The following PTPN2 variants were observed in gnomAD, a reference collection of about 807,000 sequenced individuals.
PTPN2 encodes tyrosine-protein phosphatase non-receptor type 2.
PTPN2 carries 19 observed loss-of-function variants against 57.3 expected under a neutral mutation model. That is an observed-to-expected ratio of 0.33 (90% confidence interval 0.23 to 0.49). The LOEUF (loss-of-function observed/expected upper bound fraction) is 0.49. Ranked by LOEUF, PTPN2 falls within the 20% of genes least tolerant of loss-of-function variation. The pLI is 0.99. For synonymous variants in PTPN2, 153 were observed against 164.9 expected (o/e 0.93, Z 0.55); for missense variants, 358 against 501.1 (o/e 0.71, Z 2.73).
chr18:12,796,763 C>A (rs929664894), intron 8 of PTPN2, among the ~76,000 whole-genome samples: 7 of 152,166 alleles, frequency 4.6e-5, no homozygotes, highest in African/African-American at 1.7e-4. Context: ...GAAACCTTCC[C>A]TTCTCTCCTG....
intron 1 of PTPN2, 157 bp downstream of exon 1, chr18:12,883,916 A>C: frequency 1.9e-6 from 1 of 515,844 alleles, no homozygotes; most frequent in Non-Finnish European, 3.4e-6. Context: ...GAGAGCGGTC[A>C]GCGCAGGCGC....
At chr18:12,865,695 C>T (rs552366101) in intron 1 of PTPN2, among the ~76,000 whole-genome samples, 4 of 151,840 alleles carry the variant, frequency 2.6e-5, no homozygotes, top group Admixed American at 1.3e-4. Context: ...GGCGTCATGG[C>T]ATGTGTCTGT....
chr18:12,837,708 G>A (rs969654696), intron 2 of PTPN2, among the ~76,000 whole-genome samples: 20 of 152,260 alleles, frequency 1.3e-4, no homozygotes, highest in African/African-American at 4.6e-4. Flanking sequence ...TAACTCTAGA[G>A]AATGCATACT....
intron 4 of PTPN2, among the ~76,000 whole-genome samples, chr18:12,827,393 TA>T (rs1473453610): frequency 2.7e-5 from 2 of 73,396 alleles, no homozygotes; most frequent in South Asian, 5.5e-4. Context: ...GGAAAATAAA[TA>T]ATTTTTTTTT....
chr18:12,874,697 C>T (rs533502267), intron 1 of PTPN2, among the ~76,000 whole-genome samples: 1 of 150,308 alleles, frequency 6.7e-6, no homozygotes, highest in Non-Finnish European at 1.5e-5. Flanking sequence ...GGGTCAACCC[C>T]TCGCCCGGCC....
chr18:12,836,096 A>G (rs1012137057), intron 3 of PTPN2, among the ~76,000 whole-genome samples: 2 of 152,238 alleles, frequency 1.3e-5, no homozygotes, highest in Non-Finnish European at 2.9e-5. Context: ...ATATTATGGT[A>G]TATCTTTTGA....
At chr18:12,871,868 G>A (rs2044277772) in intron 1 of PTPN2, among the ~76,000 whole-genome samples, 1 of 151,772 alleles carries the variant, frequency 6.6e-6, no homozygotes, top group South Asian at 2.1e-4. Context: ...GCCAACATGG[G>A]GAAACCCTGT....
chr18:12,838,508 A>G (rs1346028398), intron 2 of PTPN2, among the ~76,000 whole-genome samples: 2 of 152,240 alleles, frequency 1.3e-5, no homozygotes, highest in Non-Finnish European at 2.9e-5. Flanking sequence ...TCAATGCTCT[A>G]TAAGCACAGT....
In PTPN2 at chr18:12,870,405, GTA is replaced by G. The variant is rs1183023255; in HGVS notation, c.70-11153_70-11152del. Among the ~76,000 whole-genome samples the G allele has an allele frequency of 4.6e-3, 215 of 46,594 alleles. 6 individuals carry two copies. Among genetic ancestry groups the G allele is most frequent in the Middle Eastern group, 9.8e-3 (1 of 102 alleles). The allele number at this position is 46,594 out of a possible 152,430, so 30.6% of individuals were successfully genotyped here. On this transcript the variant is annotated intron_variant, in intron 1 of 8. Coordinates refer to ENST00000309660, the MANE Select transcript of PTPN2 (RefSeq NM_002828.4). The stretch of plus-strand genomic sequence containing the variant: ...TATACGTATATATGTATATATACAC[GTA>G]TATATATGTATATATATACGTATAT...
intron 2 of PTPN2, among the ~76,000 whole-genome samples, chr18:12,855,505 A>G (rs888073771): frequency 2.0e-5 from 3 of 152,146 alleles, no homozygotes; most frequent in East Asian, 1.9e-4. Flanking sequence ...GGCAAAAGAA[A>G]GTGAGTTTCC....
chr18:12,815,410 CAAAT>C (rs748715634), intron 6 of PTPN2, among the ~76,000 whole-genome samples: 19 of 150,992 alleles, frequency 1.3e-4, no homozygotes, highest in Middle Eastern at 3.4e-3. Flanking sequence ...AACTTCGTCT[CAAAT>C]AAATAAATAA....
At chr18:12,868,288 TGACTGGAGA>T (rs1467253267) in intron 1 of PTPN2, among the ~76,000 whole-genome samples, 1 of 152,060 alleles carries the variant, frequency 6.6e-6, no homozygotes, top group Admixed American at 6.6e-5. Flanking sequence ...CTGTCTGGAC[TGACTGGAGA>T]GACTGGAGTG....
At chr18:12,830,734 T>C (rs1238348711) in intron 4 of PTPN2, among the ~76,000 whole-genome samples, 1 of 152,242 alleles carries the variant, frequency 6.6e-6, no homozygotes, top group Non-Finnish European at 1.5e-5. Context: ...TGTATTTCTA[T>C]CTTGGAGATG....
At position 12,833,588 on chromosome 18, in the gene PTPN2, A is replaced by G. The variant is rs373550261; in HGVS notation, c.262-2547T>C. Reference sequence around the variant, plus strand: ...AGGGTCCACTCCAGGCCCTCCAAGCATAAGGCAAAGTGCATGAAAGTTTAG... The same window carrying G: ...AGGGTCCACTCCAGGCCCTCCAAGCGTAAGGCAAAGTGCATGAAAGTTTAG... On this transcript the variant is annotated intron_variant, in intron 3 of 8. Coordinates refer to ENST00000309660, the MANE Select transcript of PTPN2 (RefSeq NM_002828.4). 3.3e-5 allele frequency among the ~76,000 whole-genome samples: 5 copies of G among 152,184 alleles called. No homozygotes were observed. The East Asian group carries it at 9.6e-4, about 29-fold the overall frequency.
chr18:12,794,016 A>T lies in PTPN2; in HGVS notation c.*262T>A. On this transcript the variant is annotated 3_prime_UTR_variant, in exon 9 of 9. Transcript: ENST00000309660. ...TGAAATACTGTGTTTGACATGTATGAATACAGTTGCAAAATTTACCAGTTT... is the reference window on the plus strand; with the variant it reads ...TGAAATACTGTGTTTGACATGTATGTATACAGTTGCAAAATTTACCAGTTT... 7.4e-7 allele frequency: 1 copy of T among 1,353,642 alleles called. No homozygotes were observed. Among genetic ancestry groups the T allele is most frequent in the South Asian group, 1.7e-5 (1 of 59,744 alleles). 83.9% of individuals were successfully genotyped at this position (1,353,642 alleles called of 1,614,324 possible).
At chr18:12,814,650 A>T (rs1449927182) in intron 6 of PTPN2, among the ~76,000 whole-genome samples, 1 of 152,172 alleles carries the variant, frequency 6.6e-6, no homozygotes. Context: ...GGTTAAAGGA[A>T]GGATTTATAA....
At chr18:12,791,926 G>A (rs2040995207), downstream of PTPN2, among the ~76,000 whole-genome samples, 1 of 152,170 alleles carries the variant, frequency 6.6e-6, no homozygotes, top group South Asian at 2.1e-4. Flanking sequence ...ATGTCATAAG[G>A]TCTACCTGTA....
At chr18:12,836,763 G>C (rs1052378057) in intron 3 of PTPN2, 28 bp downstream of exon 3, 2 of 1,362,810 alleles carry the variant, frequency 1.5e-6, no homozygotes, top group Non-Finnish European at 2.1e-6. Context: ...ATCATTTTCA[G>C]ACATTTGCGT....
chr18:12,856,952 T>C (rs1273560654), intron 2 of PTPN2, among the ~76,000 whole-genome samples: 4 of 147,482 alleles, frequency 2.7e-5, no homozygotes, highest in Non-Finnish European at 5.9e-5. Context: ...CCCAGCTACT[T>C]GGGAGGCTGA....
Sources: allele counts gnomAD v4.1 joint callset (sites outside exome capture counted in the v4.1 genomes callset), GRCh38; gene constraint gnomAD v4.1.1; transcripts MANE v1.5; gene names NCBI Gene and HGNC (gene_info 2026-07-23, HGNC 2026-07-21).